The following TOX2 variants were observed in gnomAD, a reference collection of about 807,000 sequenced individuals.
TOX2 encodes TOX high mobility group box family member 2, also known as granulosa cell HMG box 1.
In TOX2, 15 loss-of-function variants were observed where a neutral mutation model predicts 47.4. The ratio of observed to expected loss-of-function variants is 0.32; its 90% confidence interval spans 0.21 to 0.49. TOX2 has a LOEUF of 0.49. Ranked by LOEUF, TOX2 falls within the 20% of genes least tolerant of loss-of-function variation. The probability of loss-of-function intolerance (pLI) is 0.99; values close to 1 mark genes in which losing one functional copy is unlikely to be tolerated. For missense variants in TOX2, 622 were observed against 673.1 expected (o/e 0.92, Z 0.84); for synonymous variants, 290 against 296.6 (o/e 0.98, Z 0.23).
Position 44,029,387 on chromosome 20 carries a change from C to G in TOX2, c.412-21919C>G, listed in dbSNP as rs73275204. On this transcript the variant is annotated intron_variant, in intron 3 of 8. Coordinates refer to ENST00000341197, the MANE Select transcript of TOX2 (RefSeq NM_001098797.2). ...CCAGCCCAGCCTGCACCATGCCCCT[C>G]TGCCCTCAATAGTGAAAAGAGCTCA... is the stretch of plus-strand genomic sequence containing the variant. 3.5e-3 allele frequency among the ~76,000 whole-genome samples: 530 copies of G among 152,308 alleles called. 4 individuals carry two copies. Among genetic ancestry groups the G allele is most frequent in the African/African-American group, 0.012 (495 of 41,550 alleles).
At chr20:43,966,443 C>T (rs775085127) in intron 1 of TOX2, among the ~76,000 whole-genome samples, 3 of 152,096 alleles carry the variant, frequency 2.0e-5, no homozygotes, top group Non-Finnish European at 2.9e-5. Flanking sequence ...GTTCCAGGCT[C>T]ATGGTGGGAC....
At chr20:44,065,236 C>T (rs1019185720) in intron 6 of TOX2, among the ~76,000 whole-genome samples, 17 of 152,204 alleles carry the variant, frequency 1.1e-4, no homozygotes, top group African/African-American at 3.9e-4. Flanking sequence ...ACCACACCGT[C>T]GGCCTCCTCT....
chr20:43,961,553 A>C (rs2069757585), intron 1 of TOX2, among the ~76,000 whole-genome samples: 1 of 152,108 alleles, frequency 6.6e-6, no homozygotes, highest in Non-Finnish European at 1.5e-5. Flanking sequence ...TTGTGGAATA[A>C]ATGAGTGAAC....
intron 2 of TOX2, among the ~76,000 whole-genome samples, chr20:43,999,626 TTAA>T (rs1449472902): frequency 6.6e-6 from 1 of 152,246 alleles, no homozygotes; most frequent in African/African-American, 2.4e-5. Flanking sequence ...ATTGGAAGAC[TTAA>T]TAATGTTAAG....
chr20:43,963,244 T>C (rs1257352427), intron 1 of TOX2, among the ~76,000 whole-genome samples: 1 of 152,188 alleles, frequency 6.6e-6, no homozygotes, highest in Non-Finnish European at 1.5e-5. Context: ...TAGTGACCAC[T>C]GCCATTTTTA....
intron 3 of TOX2, among the ~76,000 whole-genome samples, chr20:44,015,259 A>G (rs1407794401): frequency 6.6e-6 from 1 of 152,200 alleles, no homozygotes; most frequent in Admixed American, 6.5e-5. Flanking sequence ...AGCAAAAGAA[A>G]TATGTCTTTT....
At chr20:44,042,711 A>G (rs559098213) in intron 3 of TOX2, among the ~76,000 whole-genome samples, 216 of 152,342 alleles carry the variant, frequency 1.4e-3, no homozygotes, top group African/African-American at 4.8e-3. Flanking sequence ...GAGACTCAAA[A>G]AAGCCATTAT....
At chr20:43,966,062 G>A (rs1303520776) in intron 1 of TOX2, among the ~76,000 whole-genome samples, 1 of 152,186 alleles carries the variant, frequency 6.6e-6, no homozygotes, top group Non-Finnish European at 1.5e-5. Flanking sequence ...GTTAATATCT[G>A]TAACATAATG....
chr20:43,934,056 G>T (rs1002639426), intron 1 of TOX2, among the ~76,000 whole-genome samples: 1 of 151,572 alleles, frequency 6.6e-6, no homozygotes, highest in Non-Finnish European at 1.5e-5. Context: ...TGGTCCTCAG[G>T]CTGTGATGGA....
At chr20:44,035,164 T>C (rs889620637) in intron 3 of TOX2, among the ~76,000 whole-genome samples, 2 of 152,260 alleles carry the variant, frequency 1.3e-5, no homozygotes, top group East Asian at 1.9e-4. Context: ...GCCTCATCCA[T>C]GTGCAGCCAG....
At chr20:44,008,332 G>A (rs541887880) in intron 3 of TOX2, among the ~76,000 whole-genome samples, 4 of 152,048 alleles carry the variant, frequency 2.6e-5, no homozygotes, top group East Asian at 3.9e-4. Flanking sequence ...AGGCTGAGGC[G>A]GGGGATCACT....
intron 3 of TOX2, among the ~76,000 whole-genome samples, chr20:44,023,385 G>C (rs532281957): frequency 7.8e-6 from 1 of 128,456 alleles, no homozygotes; most frequent in Non-Finnish European, 1.6e-5. Flanking sequence ...AGCCAAGATC[G>C]CACCACTGCA....
At chr20:43,955,758 G>T (rs6103533) in intron 1 of TOX2, among the ~76,000 whole-genome samples, 36,663 of 152,100 alleles carry the variant, frequency 0.24, 5,144 homozygotes, top group African/African-American at 0.35. Context: ...TAAATTTCTA[G>T]TTTTGAATCA....
chr20:43,938,611 G>A (rs146480766), intron 1 of TOX2, among the ~76,000 whole-genome samples: 238 of 152,308 alleles, frequency 1.6e-3, no homozygotes, highest in African/African-American at 5.5e-3. Context: ...TGGCCAGCGA[G>A]GTGGTGGCAT....
At chr20:44,046,629 A>G (rs1223439677) in intron 3 of TOX2, among the ~76,000 whole-genome samples, 1 of 152,226 alleles carries the variant, frequency 6.6e-6, no homozygotes, top group African/African-American at 2.4e-5. Context: ...AAGGGAAGAA[A>G]GTTCTGATTC....
At chr20:43,932,738 G>A (rs916915860) in intron 1 of TOX2, among the ~76,000 whole-genome samples, 2 of 152,040 alleles carry the variant, frequency 1.3e-5, no homozygotes, top group Non-Finnish European at 2.9e-5. Flanking sequence ...CCGCACCCTG[G>A]GTTGGGTGAA....
intron 3 of TOX2, among the ~76,000 whole-genome samples, chr20:44,030,278 T>C (rs887239497): frequency 6.6e-6 from 1 of 152,036 alleles, no homozygotes; most frequent in Non-Finnish European, 1.5e-5. Context: ...CAATCCTAAG[T>C]CTCTCCCTCC....
intron 3 of TOX2, among the ~76,000 whole-genome samples, chr20:44,011,186 CT>C (rs2070773278): frequency 6.6e-6 from 1 of 152,212 alleles, no homozygotes; most frequent in Non-Finnish European, 1.5e-5. Context: ...CAAAGACCCT[CT>C]TTTCTAAATA....
At position 44,066,873 on chromosome 20, in the gene TOX2, T is replaced by C. The variant is rs868486488; in HGVS notation, c.1484+16T>C. The stretch of plus-strand genomic sequence containing the variant: ...GCACCTGCAGGTTAGTCCTCGCCCG[T>C]CCCTGCCTTTGTCCTGCCAGCCAGG... On this transcript the variant is annotated intron_variant, in intron 8 of 8. Transcript: ENST00000341197. The C allele has an allele frequency of 3.7e-6, 6 of 1,605,244 alleles. No individual in the cohort carries two copies. Among genetic ancestry groups the C allele is most frequent in the Middle Eastern group, 1.7e-4 (1 of 6,044 alleles).
Sources: allele counts gnomAD v4.1 joint callset (sites outside exome capture counted in the v4.1 genomes callset), GRCh38; gene constraint gnomAD v4.1.1; transcripts MANE v1.5; gene names NCBI Gene and HGNC (gene_info 2026-07-23, HGNC 2026-07-21).